The following ZNF254 variants were observed in gnomAD, a reference collection of about 807,000 sequenced individuals.
ZNF254 encodes zinc finger protein 254.
Under a neutral mutation model 12.4 loss-of-function variants are expected in ZNF254, and 10 were observed. The ratio of observed to expected loss-of-function variants is 0.80; its 90% CI spans 0.50 to 1.36. The LOEUF is 1.36. Ranked by LOEUF, ZNF254 falls within the 40% of genes most tolerant of loss-of-function variation. The pLI is 0.00. For synonymous variants in ZNF254, 305 were observed against 253.4 expected (o/e 1.20, Z -1.93); for missense variants, 996 against 763.9 (o/e 1.30, Z -3.58).
At chr19:24,091,315 GA>G (rs56971141) in intron 1 of ZNF254, among the ~76,000 whole-genome samples, 37,398 of 128,610 alleles carry the variant, frequency 0.29, 4,659 homozygotes, top group Non-Finnish European at 0.33. Context: ...AAAAAATAAA[GA>G]AAAAAAAAAA....
chr19:24,129,023 T>A lies in ZNF254; in HGVS notation c.*1043T>A, dbSNP rs952391348. The A allele has an allele frequency of 2.0e-5, 3 of 152,034 alleles. No individual in the cohort carries two copies. Among genetic ancestry groups the A allele is most frequent in the African/African-American group, 7.2e-5 (3 of 41,440 alleles). The allele number at this position is 152,034 out of a possible 1,614,324, so 9.4% of individuals were successfully genotyped here. On this transcript the variant is annotated 3_prime_UTR_variant, in exon 4 of 4. Coordinates refer to ENST00000357002, the MANE Select transcript of ZNF254 (RefSeq NM_203282.4). The stretch of plus-strand genomic sequence containing the variant: ...TTGTTGCTGCATAAAAGATATGAGA[T>A]TCTTTTTTATTAGGCATTATTTATG...
At chr19:24,050,844 A>G (rs561611354) in intron 2 of ZNF254, among the ~76,000 whole-genome samples, 2 of 151,714 alleles carry the variant, frequency 1.3e-5, no homozygotes, top group South Asian at 2.1e-4. Context: ...GATTACAGGC[A>G]TGCGCCACCA....
Position 24,126,830 on chromosome 19 carries a change from G to T in ZNF254, c.830G>T (p.Arg277Leu). ...GAAGAATGTGGTGAAGCTTTTAATCGATCCTCAAATCTTACTACACATAAG... is the reference window on the plus strand; with the variant it reads ...GAAGAATGTGGTGAAGCTTTTAATCTATCCTCAAATCTTACTACACATAAG... ...KCEECGEAFN[R>L]SSNLTTHKII... is the part of the protein sequence containing the mutation. The change falls in exon 4 of 4, where the codon CGA (arginine) becomes CTA (leucine). Residue 277 changes from arginine to leucine, a missense_variant. Coordinates refer to ENST00000357002, the MANE Select transcript of ZNF254 (RefSeq NM_203282.4). The T allele has an allele frequency of 6.2e-7, 1 of 1,612,652 alleles. No individual in the cohort carries two copies.
intron 1 of ZNF254, among the ~76,000 whole-genome samples, chr19:24,100,885 T>G (rs961180074): frequency 2.0e-5 from 3 of 150,524 alleles, no homozygotes; most frequent in Non-Finnish European, 2.9e-5. Flanking sequence ...TGGAGTGCAA[T>G]GGCTTGATCT....
chr19:24,059,056 C>T (rs62114786), intron 2 of ZNF254, among the ~76,000 whole-genome samples: 22,549 of 152,148 alleles, frequency 0.15, 1,915 homozygotes, highest in Middle Eastern at 0.23. Context: ...TGTAACATAC[C>T]GCTGGGCCCA....
chr19:24,119,392 A>G (rs1304427994), intron 3 of ZNF254, among the ~76,000 whole-genome samples: 5 of 151,952 alleles, frequency 3.3e-5, no homozygotes, highest in African/African-American at 4.8e-5. Flanking sequence ...GGGTTTCACC[A>G]TATTGGCTAG....
At chr19:24,111,520 A>G (rs1275187835) in intron 3 of ZNF254, among the ~76,000 whole-genome samples, 1 of 152,222 alleles carries the variant, frequency 6.6e-6, no homozygotes, top group Non-Finnish European at 1.5e-5. Context: ...TCCCTGAGGA[A>G]TCGCCACACT....
rs1333418008 is a variant in ZNF254, at chr19:24,094,733, C to T, written c.30+7396C>T. ...ATAGAGTCTCACTTTGTCTCCCAGG[C>T]TGGAGTGCAGTGGCACAATCTCGGC... On this transcript the variant is annotated intron_variant, in intron 1 of 3. Transcript: ENST00000357002. 2.6e-5 allele frequency among the ~76,000 whole-genome samples: 4 copies of T among 151,968 alleles called. No individual in the cohort carries two copies. The East Asian group carries it at 7.7e-4, about 29-fold the overall frequency.
At chr19:24,075,473 G>A (rs1027730965) in intron 2 of ZNF254, among the ~76,000 whole-genome samples, 6 of 152,138 alleles carry the variant, frequency 3.9e-5, no homozygotes, top group African/African-American at 9.7e-5. Flanking sequence ...CAGGTTCCAC[G>A]ATGCCCCCGA....
At chr19:24,085,426 A>AT (rs369443689), upstream of ZNF254, among the ~76,000 whole-genome samples, 25,991 of 103,246 alleles carry the variant, frequency 0.25, 5,611 homozygotes, top group African/African-American at 0.32. Context: ...ATATATATAT[A>AT]AAAACTAAGA....
chr19:24,072,425 G>T (rs1234214784), intron 2 of ZNF254, among the ~76,000 whole-genome samples: 1 of 152,078 alleles, frequency 6.6e-6, no homozygotes, highest in African/African-American at 2.4e-5. Flanking sequence ...ACCTGCCTCC[G>T]CCTCCCAAAG....
chr19:24,121,361 G>A (rs1370567555), intron 3 of ZNF254, among the ~76,000 whole-genome samples: 1 of 151,046 alleles, frequency 6.6e-6, no homozygotes, highest in East Asian at 1.9e-4. Context: ...TTATATTTTT[G>A]TGTTATATAT....
chr19:24,040,212 T>C (rs11881036), intron 1 of ZNF254, among the ~76,000 whole-genome samples: 24,305 of 152,072 alleles, frequency 0.16, 2,116 homozygotes, highest in Middle Eastern at 0.23. Flanking sequence ...TTACAGGAGA[T>C]CAGACTCCTG....
At chr19:24,116,618 T>A (rs544643253) in intron 3 of ZNF254, among the ~76,000 whole-genome samples, 6 of 152,064 alleles carry the variant, frequency 3.9e-5, no homozygotes, top group South Asian at 2.1e-4. Flanking sequence ...TCAAAGTTTT[T>A]AACTTCTTTG....
intron 2 of ZNF254, among the ~76,000 whole-genome samples, chr19:24,052,868 G>C (rs1053759586): frequency 6.6e-6 from 1 of 152,148 alleles, no homozygotes; most frequent in African/African-American, 2.4e-5. Flanking sequence ...AGATACACTA[G>C]TTCTCATAGC....
In ZNF254 at chr19:24,127,151, G is replaced by T; in HGVS notation, c.1151G>T (p.Gly384Val). 1.2e-6 allele frequency: 2 copies of T among 1,613,074 alleles called. No homozygotes were observed. The highest frequency in any genetic ancestry group is 8.5e-7 in the Non-Finnish European group (1 of 1,179,664). ...GEKRYKCLECGKAFKQLSTLT... is the reference protein window; with the variant it reads ...GEKRYKCLECVKAFKQLSTLT... Reference sequence around the variant, plus strand: ...AAACGCTACAAATGCTTAGAATGTGGCAAAGCTTTTAAGCAACTCTCAACT... The same window carrying T: ...AAACGCTACAAATGCTTAGAATGTGTCAAAGCTTTTAAGCAACTCTCAACT... The change falls in exon 4 of 4, where the codon GGC becomes GTC. Residue 384 changes from glycine to valine, a missense_variant. Gly to Val is a moderately radical substitution (Grantham distance 109). Coordinates refer to ENST00000357002, the MANE Select transcript of ZNF254 (RefSeq NM_203282.4).
chr19:24,068,278 G>A (rs1322130674), intron 2 of ZNF254, among the ~76,000 whole-genome samples: 1 of 151,712 alleles, frequency 6.6e-6, no homozygotes, highest in Non-Finnish European at 1.5e-5. Flanking sequence ...CACAGGTGAT[G>A]TGACTTGTGG....
chr19:24,054,239 G>A (rs1389769628), intron 2 of ZNF254, among the ~76,000 whole-genome samples: 1 of 152,132 alleles, frequency 6.6e-6, no homozygotes, highest in African/African-American at 2.4e-5. Flanking sequence ...TGACACTCCT[G>A]CTTGTTTCCT....
At chr19:24,053,845 C>T (rs1163162983) in intron 2 of ZNF254, among the ~76,000 whole-genome samples, 1 of 152,198 alleles carries the variant, frequency 6.6e-6, no homozygotes, top group Non-Finnish European at 1.5e-5. Context: ...CGGCATATCA[C>T]TGGACCCAGC....
Sources: gnomAD v4.1 joint callset for allele counts (sites outside exome capture counted in the v4.1 genomes callset) on GRCh38, gnomAD v4.1.1 for gene constraint, MANE v1.5 for transcripts, NCBI Gene and HGNC (gene_info 2026-07-23, HGNC 2026-07-21) for gene names.